Variants in RSBN1L observed in about 807,000 individuals in gnomAD.
RSBN1L encodes lysine-specific demethylase RSBN1L.
A neutral mutation model predicts 67.7 loss-of-function variants in RSBN1L; 30 were observed. The observed-to-expected ratio is 0.44, with a 90% CI of 0.33 to 0.60. The LOEUF (loss-of-function observed/expected upper bound fraction) is 0.60, where lower values mean the gene tolerates loss of function less well. Ranked by LOEUF, RSBN1L falls within the 20% of genes least tolerant of loss-of-function variation. RSBN1L has a pLI of 0.02. For missense variants in RSBN1L, 992 were observed against 1,031.7 expected (o/e 0.96, Z 0.53); for synonymous variants, 433 against 387.0 (o/e 1.12, Z -1.39).
chr7:77,725,336 C>T (rs574170298), intron 1 of RSBN1L, among the ~76,000 whole-genome samples: 2 of 104,100 alleles, frequency 1.9e-5, no homozygotes, highest in Admixed American at 9.7e-5. Context: ...GCAACCTCTG[C>T]CTCCTGGGTC....
intron 1 of RSBN1L, among the ~76,000 whole-genome samples, chr7:77,718,622 T>TG (rs1243676764): frequency 6.6e-6 from 1 of 152,150 alleles, no homozygotes; most frequent in African/African-American, 2.4e-5. Flanking sequence ...GTTTTCTACT[T>TG]TAACATTTTT....
intron 1 of RSBN1L, among the ~76,000 whole-genome samples, chr7:77,701,174 C>A (rs1029850362): frequency 1.9e-4 from 25 of 128,974 alleles, no homozygotes; most frequent in African/African-American, 4.7e-4. Flanking sequence ...AAAAAAACAA[C>A]AACAACAACA....
chr7:77,744,642 T>C (rs1209023661), intron 2 of RSBN1L, among the ~76,000 whole-genome samples: 1 of 151,654 alleles, frequency 6.6e-6, no homozygotes, highest in African/African-American at 2.4e-5. Flanking sequence ...GGTCTCGAAC[T>C]CCTGACCTCA....
chr7:77,749,451 T>C lies in RSBN1L; in HGVS notation c.731T>C (p.Ile244Thr). Reference protein sequence around the residue: ...KSGKEKPKTNIEDLQIKKVKK... With the variant: ...KSGKEKPKTNTEDLQIKKVKK... The stretch of plus-strand genomic sequence containing the variant: ...GGGAAGGAGAAACCAAAAACAAATA[T>C]AGAAGACTTACAAATTAAAAAGGTA... Residue 244 changes from isoleucine (I) to threonine (T), a missense_variant, in exon 3 of 8, where the codon ATA becomes ACA. Around this residue, in one of 7 missense-constraint regions of RSBN1L, gnomAD observed 575 missense variants for 483.2 expected, o/e 1.19. Transcript: ENST00000334955. 2.5e-6 allele frequency: 4 copies of C among 1,572,764 alleles called. No homozygotes were observed. Among genetic ancestry groups the C allele is most frequent in the Non-Finnish European group, 3.4e-6 (4 of 1,167,732 alleles).
intron 1 of RSBN1L, among the ~76,000 whole-genome samples, chr7:77,716,610 A>G (rs73372292): frequency 0.13 from 16,740 of 133,796 alleles, 1,467 homozygotes; most frequent in African/African-American, 0.25. Context: ...TAAAAGCTGC[A>G]TGTGTATCTT....
rs1791136775 is a variant in RSBN1L, at chr7:77,722,788, T to C, written c.587-13622T>C. Among the ~76,000 whole-genome samples the C allele has an allele frequency of 4.6e-5, 7 of 151,834 alleles. 1 individual carries two copies. In the South Asian group the frequency reaches 1.5e-3, roughly 32 times the overall value. ...AGAGAGGGAAGGTGGGGAATGTCAT[T>C]GTTGTCGTTCAGTTCAGTTGATTTC... On this transcript the variant is annotated intron_variant, in intron 1 of 7. Transcript: ENST00000334955.
chr7:77,755,155 A>G (rs1179713961), intron 3 of RSBN1L, among the ~76,000 whole-genome samples: 2 of 152,170 alleles, frequency 1.3e-5, no homozygotes, highest in African/African-American at 4.8e-5. Context: ...AGAGGTACCA[A>G]TATTGGAATG....
chr7:77,782,442 C>G lies in RSBN1L; in HGVS notation c.*3274C>G, dbSNP rs1053531010. The G allele has an allele frequency of 2.6e-5, 4 of 152,184 alleles. No homozygotes were observed. The highest frequency in any genetic ancestry group is 9.7e-5 in the African/African-American group (4 of 41,448). The allele number at this position is 152,184 out of a possible 1,614,324, so 9.4% of individuals were successfully genotyped here. A position where few individuals can be genotyped will look rare whatever the true frequency, so the allele number is the denominator to read the frequency against. ...CTCCATTTTGTTTATAACCTTTTAG[C>G]TATCTAAATAATACGTATTCCATAC... On this transcript the variant is annotated 3_prime_UTR_variant, in exon 8 of 8. Transcript: ENST00000334955.
chr7:77,697,096 G>A (rs1790746347), intron 1 of RSBN1L, 41 bp downstream of exon 1: 1 of 1,337,164 alleles, frequency 7.5e-7, no homozygotes. Context: ...GGCGCCGTGG[G>A]TCCCCGCCGC....
In RSBN1L at chr7:77,725,244, C is replaced by CTTTTTTTTTTTTTTTTTTTTTTTTTTTTT. The variant is rs779531960; in HGVS notation, c.587-11145_587-11144insTTTTTTTTTTTTTTTTTTTTTTTTTTTTT. Among the ~76,000 whole-genome samples the CTTTTTTTTTTTTTTTTTTTTTTTTTTTTT allele has an allele frequency of 2.7e-4, 20 of 73,636 alleles. 1 individual carries two copies. The highest frequency in any genetic ancestry group is 1.1e-3 in the South Asian group (2 of 1,806). The allele number at this position is 73,636 out of a possible 152,430, so 48.3% of individuals were successfully genotyped here. A position where few individuals can be genotyped will look rare whatever the true frequency, so the allele number is the denominator to read the frequency against. On this transcript the variant is annotated intron_variant, in intron 1 of 7. Transcript: ENST00000334955. ...TTCTTCCCTAGGGATAAGCCCCCCA[C>CTTTTTTTTTTTTTTTTTTTTTTTTTTTTT]TTTTTTTTTTTTTTTTTTTTTGAGA...
chr7:77,731,845 CT>C (rs879328651), intron 1 of RSBN1L, among the ~76,000 whole-genome samples: 272 of 142,312 alleles, frequency 1.9e-3, no homozygotes, highest in East Asian at 2.4e-3. Flanking sequence ...CTAGTTTAGA[CT>C]TTTTTTTTTT....
At chr7:77,757,731 G>GT (rs1791638049) in intron 3 of RSBN1L, among the ~76,000 whole-genome samples, 1 of 152,210 alleles carries the variant, frequency 6.6e-6, no homozygotes, top group Non-Finnish European at 1.5e-5. Context: ...GGTGGTTGAT[G>GT]TATGTTAGCT....
chr7:77,774,607 C>G (rs1257363641), intron 6 of RSBN1L, among the ~76,000 whole-genome samples: 1 of 152,030 alleles, frequency 6.6e-6, no homozygotes, highest in East Asian at 1.9e-4. Flanking sequence ...CGTGGTGGCA[C>G]GTGCCTGTAA....
At chr7:77,726,149 TTA>T (rs1294105808) in intron 1 of RSBN1L, among the ~76,000 whole-genome samples, 2 of 152,304 alleles carry the variant, frequency 1.3e-5, no homozygotes, top group South Asian at 4.1e-4. Flanking sequence ...CCATACACCA[TTA>T]TTAACATCTT....
rs565275242 is a variant in RSBN1L at position 77,696,519 on chromosome 7, C to T, written c.50C>T (p.Thr17Ile). ...PVHCVAAAAP[T>I]ATVSEKEPFG... Reference sequence around the variant, plus strand: ...CACTGTGTCGCTGCCGCGGCCCCCACCGCCACCGTCTCGGAGAAAGAACCG... The same window carrying T: ...CACTGTGTCGCTGCCGCGGCCCCCATCGCCACCGTCTCGGAGAAAGAACCG... Residue 17 changes from threonine to isoleucine, a missense_variant, in exon 1 of 8, where the codon ACC (threonine) becomes ATC (isoleucine). By Grantham distance (89) the Thr-to-Ile change is moderately conservative (BLOSUM62 -1). Transcript: ENST00000334955. The T allele has an allele frequency of 3.7e-6, 6 of 1,613,660 alleles. No individual in the cohort carries two copies. In the African/African-American group the frequency reaches 6.7e-5, roughly 18 times the overall value.
chr7:77,774,573 A>G (rs1379748547), intron 6 of RSBN1L, among the ~76,000 whole-genome samples: 4 of 152,142 alleles, frequency 2.6e-5, no homozygotes, highest in African/African-American at 9.7e-5. Flanking sequence ...CTAAAAATAC[A>G]CACATACACA....
At chr7:77,706,297 C>T (rs1009311994) in intron 1 of RSBN1L, among the ~76,000 whole-genome samples, 2 of 152,150 alleles carry the variant, frequency 1.3e-5, no homozygotes, top group African/African-American at 2.4e-5. Flanking sequence ...AGGCTGGTTT[C>T]GAGCTCCTGA....
intron 1 of RSBN1L, among the ~76,000 whole-genome samples, chr7:77,701,162 AAAAAAAAACAACAAC>A (rs1790811919): frequency 2.6e-5 from 3 of 114,022 alleles, no homozygotes; most frequent in Middle Eastern, 3.9e-3. Context: ...AAAAAAAAAA[AAAAAAAAACAACAAC>A]AACAACAACA....
At chr7:77,719,335 CGA>C (rs1185892624) in intron 1 of RSBN1L, among the ~76,000 whole-genome samples, 1 of 152,068 alleles carries the variant, frequency 6.6e-6, no homozygotes, top group Non-Finnish European at 1.5e-5. Context: ...ACAAGTACAA[CGA>C]GAGTCTGGTT....
Sources: allele counts gnomAD v4.1 joint callset (sites outside exome capture counted in the v4.1 genomes callset), GRCh38; gene constraint gnomAD v4.1.1; regional missense constraint gnomAD v4.1.1; transcripts MANE v1.5; gene names NCBI Gene and HGNC (gene_info 2026-07-23, HGNC 2026-07-21).